Variants in CFAP57 observed in about 807,000 individuals in gnomAD.
CFAP57 encodes the protein cilia- and flagella-associated protein 57.
In CFAP57, 116 loss-of-function variants were observed where a neutral mutation model predicts 146.8. The ratio of observed to expected loss-of-function variants is 0.79; its 90% confidence interval spans 0.68 to 0.92. CFAP57 has a LOEUF of 0.92. CFAP57 is among the 40% of genes least tolerant of loss of function. CFAP57 has a pLI of 0.00. For synonymous variants in CFAP57, 518 were observed against 552.8 expected (o/e 0.94, Z 0.88); for missense variants, 1,377 against 1,527.2 (o/e 0.90, Z 1.64).
At chr1:43,197,139 G>T (rs982228726) in intron 6 of CFAP57, among the ~76,000 whole-genome samples, 4 of 152,078 alleles carry the variant, frequency 2.6e-5, no homozygotes, top group Non-Finnish European at 4.4e-5. Flanking sequence ...GGATCATAAG[G>T]TCAGGAGATC....
intron 10 of CFAP57, 144 bp downstream of exon 10, chr1:43,207,076 C>A: frequency 1.3e-6 from 1 of 795,056 alleles, no homozygotes; most frequent in Non-Finnish European, 2.1e-6. Context: ...GCTCCTCATT[C>A]CTTTTAGATT....
rs184696051 is a variant in CFAP57, at chr1:43,245,089, C to T, written c.3538+1730C>T. On this transcript the variant is annotated intron_variant, in intron 22 of 22. Transcript: ENST00000372492. ...CTTTGGGAGGCCAAGGCGAGCGGAA[C>T]GCTTGTGCCCAGGGTTCAAGACTAG... is the stretch of plus-strand genomic sequence containing the variant. 2.0e-3 allele frequency among the ~76,000 whole-genome samples: 311 copies of T among 152,226 alleles called. 1 individual carries two copies. Among genetic ancestry groups the T allele is most frequent in the African/African-American group, 6.9e-3 (286 of 41,552 alleles).
Position 43,227,019 on chromosome 1 carries a change from G to T in CFAP57, c.2902G>T (p.Glu968Ter). ...TTATGATCTGAAAAAGAAAAATCAA[G>T]AACTAGGGAAATTCAAGTTTGTGCT... The part of the protein sequence containing the change: ...RIYDLKKKNQ[E>*]LGKFKFVLDY... Residue 968 changes from glutamate to a stop codon, truncating the protein, a stop_gained, in exon 18 of 23, where the codon GAA (glutamate) becomes TAA (stop). Coordinates refer to ENST00000372492, the MANE Select transcript of CFAP57 (RefSeq NM_001378189.1). LOFTEE classifies it high-confidence loss of function. 1 of 1,529,944 alleles carries T rather than the reference G, an allele frequency of 6.5e-7. No homozygotes were observed. The highest frequency in any genetic ancestry group is 1.2e-5 in the South Asian group (1 of 80,130). 94.8% of individuals were successfully genotyped at this position (1,529,944 alleles called of 1,614,324 possible).
intron 6 of CFAP57, among the ~76,000 whole-genome samples, chr1:43,190,375 A>G (rs1643431749): frequency 7.0e-6 from 1 of 143,108 alleles, no homozygotes; most frequent in African/African-American, 2.6e-5. Flanking sequence ...GGTTCATGCC[A>G]TTCTCCTGCC....
rs549675222 is a variant in CFAP57 at position 43,219,409 on chromosome 1, C to G, written c.2119C>G (p.Arg707Gly). ...TCAGGTTATGTTGGAGCTAAAGACTCGTGTGGAGGAATTAAAAATGGAGAA... is the reference window on the plus strand; with the variant it reads ...TCAGGTTATGTTGGAGCTAAAGACTGGTGTGGAGGAATTAAAAATGGAGAA... ...KAQVMLELKT[R>G]VEELKMENEY... The change falls in exon 13 of 23, where the codon CGT becomes GGT. Residue 707 changes from arginine (R) to glycine (G), a missense_variant. Transcript: ENST00000372492. 6 of 1,550,464 alleles carry G rather than the reference C, an allele frequency of 3.9e-6. No homozygotes were observed. The highest frequency in any genetic ancestry group is 1.4e-5 in the African/African-American group (1 of 73,000).
At chr1:43,197,738 T>G in intron 7 of CFAP57, 46 bp downstream of exon 7, 1 of 1,600,392 alleles carries the variant, frequency 6.2e-7, no homozygotes, top group Non-Finnish European at 8.6e-7. Context: ...AGACCCCAGT[T>G]GTGAATTTAT....
At chr1:43,228,129 T>C (rs1338865863) in intron 18 of CFAP57, among the ~76,000 whole-genome samples, 4 of 151,902 alleles carry the variant, frequency 2.6e-5, no homozygotes, top group African/African-American at 9.7e-5. Context: ...TACAGTAAAA[T>C]CCAAAGTCCC....
chr1:43,243,754 G>T (rs1435081910), intron 22 of CFAP57, among the ~76,000 whole-genome samples: 1 of 152,172 alleles, frequency 6.6e-6, no homozygotes, highest in Non-Finnish European at 1.5e-5. Context: ...TCTGTTTTTA[G>T]ATCTTCTTGC....
In CFAP57 at chr1:43,199,669, T is replaced by C. The variant is rs115031325; in HGVS notation, c.1542+166T>C. ...CAAATGCACAGACAAATGTAGTTAC[T>C]AATTGCAGTTCCACTGAAAGAAAAA... On this transcript the variant is annotated intron_variant, in intron 9 of 22. Transcript: ENST00000372492. Among the ~76,000 whole-genome samples the C allele has an allele frequency of 1.5e-3, 235 of 152,344 alleles. 1 individual carries two copies. The highest frequency in any genetic ancestry group is 5.2e-3 in the African/African-American group (218 of 41,576).
At chr1:43,235,722 C>T (rs1645660776) in intron 21 of CFAP57, among the ~76,000 whole-genome samples, 3 of 152,172 alleles carry the variant, frequency 2.0e-5, no homozygotes, top group Admixed American at 2.0e-4. Flanking sequence ...CCAGCAGCCG[C>T]ACACTGAGCC....
chr1:43,185,009 G>A lies in CFAP57; in HGVS notation c.762-140G>A, dbSNP rs193260018. ...GTTTGTGTACGGTTCCCAAGCCAAA[G>A]GGTAGTATTTGACTGTGGAAAAGGG... On this transcript the variant is annotated intron_variant, in intron 4 of 22. Coordinates refer to ENST00000372492, the MANE Select transcript of CFAP57 (RefSeq NM_001378189.1). The A allele has an allele frequency of 5.1e-5, 46 of 906,078 alleles. No individual in the cohort carries two copies. In the African/African-American group the frequency reaches 6.0e-4, roughly 12 times the overall value. 56.1% of individuals were successfully genotyped at this position (906,078 alleles called of 1,614,324 possible).
rs1027732516 is a variant in CFAP57 at position 43,201,996 on chromosome 1, A to T, written c.1542+2493A>T. 5.9e-5 allele frequency among the ~76,000 whole-genome samples: 9 copies of T among 152,208 alleles called. No individual in the cohort carries two copies. The highest frequency in any genetic ancestry group is 1.3e-4 in the Non-Finnish European group (9 of 68,032). On this transcript the variant is annotated intron_variant, in intron 9 of 22. Transcript: ENST00000372492. This position sits in a 1 kb window ranked among gnomAD's most constrained non-coding sequence, Gnocchi z 4.4. ...TCTTCAAGTGACTGTGGAGATGCGG[A>T]TGAAAGTACAGAAAGTGATTCTGAT...
At chr1:43,228,730 C>T (rs1343679131) in intron 18 of CFAP57, among the ~76,000 whole-genome samples, 1 of 149,150 alleles carries the variant, frequency 6.7e-6, no homozygotes, top group Non-Finnish European at 1.5e-5. Context: ...AGCTGTCGTC[C>T]TTTCGGGGTG....
chr1:43,239,378 G>A (rs940935093), intron 21 of CFAP57, among the ~76,000 whole-genome samples: 4 of 151,934 alleles, frequency 2.6e-5, no homozygotes, highest in African/African-American at 4.8e-5. Context: ...TGGCAGGGGG[G>A]TCAGGAACAG....
chr1:43,181,507 A>ATTAT (rs1255637024), intron 2 of CFAP57, 27 bp from the exon 3 acceptor site: 1 of 1,613,260 alleles, frequency 6.2e-7, no homozygotes, highest in Non-Finnish European at 8.5e-7. Flanking sequence ...ATCTACCCTG[A>ATTAT]TTATTTCCTT....
chr1:43,209,991 C>T (rs1557777369), intron 11 of CFAP57, 75 bp downstream of exon 11: 11 of 1,613,082 alleles, frequency 6.8e-6, no homozygotes, highest in Non-Finnish European at 9.3e-6. Context: ...CTTCAACCTC[C>T]CAATGTCTTT....
intron 16 of CFAP57, 100 bp from the exon 17 acceptor site, chr1:43,223,946 A>C: frequency 7.4e-7 from 1 of 1,348,452 alleles, no homozygotes; most frequent in Non-Finnish European, 1.0e-6. Context: ...AGTCCACAGA[A>C]GGTGGCCAGT....
chr1:43,188,944 T>C (rs1353498364), intron 6 of CFAP57, among the ~76,000 whole-genome samples: 4 of 152,224 alleles, frequency 2.6e-5, no homozygotes, highest in Non-Finnish European at 4.4e-5. Flanking sequence ...TGGGATGGTA[T>C]AGGGGTCCAA....
intron 9 of CFAP57, 70 bp from the exon 10 acceptor site, chr1:43,206,650 T>C: frequency 6.4e-7 from 1 of 1,551,830 alleles, no homozygotes; most frequent in Non-Finnish European, 8.9e-7. Flanking sequence ...CTAAGGAGTT[T>C]GCACCCTTTT....
Sources: gnomAD v4.1 joint callset for allele counts (sites outside exome capture counted in the v4.1 genomes callset) on GRCh38, gnomAD v4.1.1 for gene constraint, Gnocchi (gnomAD v3.1) non-coding constraint, MANE v1.5 for transcripts, NCBI Gene and HGNC (gene_info 2026-07-23, HGNC 2026-07-21) for gene names.